Variants in PIEZO2 observed in about 807,000 individuals in gnomAD.
PIEZO2 encodes the protein piezo-type mechanosensitive ion channel component 2.
PIEZO2 carries 172 observed loss-of-function variants against 337.3 expected under a neutral mutation model. The observed-to-expected ratio is 0.51, with a 90% CI of 0.45 to 0.58. The LOEUF is 0.58. PIEZO2 is among the 20% of genes least tolerant of loss of function. The pLI is 0.00. For synonymous variants in PIEZO2, 1,251 were observed against 1,228.5 expected (o/e 1.02, Z -0.38); for missense variants, 3,028 against 3,391.3 (o/e 0.89, Z 2.66).
intron 2 of PIEZO2, among the ~76,000 whole-genome samples, chr18:11,011,717 A>G (rs2035910418): frequency 6.6e-6 from 1 of 152,180 alleles, no homozygotes; most frequent in Non-Finnish European, 1.5e-5. Context: ...AACCCATTCC[A>G]TTGCCTTAGA....
chr18:10,896,875 G>T (rs1016631016), intron 4 of PIEZO2, among the ~76,000 whole-genome samples: 9 of 152,164 alleles, frequency 5.9e-5, no homozygotes, highest in African/African-American at 2.2e-4. Flanking sequence ...AGAGTTGGGG[G>T]TGAGGTGTGG....
intron 2 of PIEZO2, among the ~76,000 whole-genome samples, chr18:11,046,045 T>C (rs1229981274): frequency 6.6e-6 from 1 of 152,156 alleles, no homozygotes; most frequent in Non-Finnish European, 1.5e-5. Flanking sequence ...AAACTCTGGA[T>C]CACAAGTATT....
At chr18:10,791,180 C>G in intron 14 of PIEZO2, 21 bp downstream of exon 14, 1 of 1,518,316 alleles carries the variant, frequency 6.6e-7, no homozygotes, top group African/African-American at 1.4e-5. Context: ...ACTCTCCAGC[C>G]ACACATATAC....
At position 10,820,687 on chromosome 18, in the gene PIEZO2, G is replaced by A. The variant is rs573236920; in HGVS notation, c.918-13413C>T. ...TTCACATGTCTAAAAATTTTCATCC[G>A]GATGCTGAACATTGTTATTTCTACA... is the stretch of plus-strand genomic sequence containing the variant. On this transcript the variant is annotated intron_variant, in intron 7 of 55. Coordinates refer to ENST00000674853, the MANE Select transcript of PIEZO2 (RefSeq NM_001378183.1). 1.2e-4 allele frequency among the ~76,000 whole-genome samples: 19 copies of A among 152,134 alleles called. No individual in the cohort carries two copies. The South Asian group carries it at 2.3e-3, about 18-fold the overall frequency.
chr18:10,724,933 T>G lies in PIEZO2; in HGVS notation c.5029+6474A>C, dbSNP rs1345727128. Reference sequence around the variant, plus strand: ...GGGACAGCCTCCACCTGGACGGCGATGGAACCCAGGTGGGCGCACCCTGCG... The same window carrying G: ...GGGACAGCCTCCACCTGGACGGCGAGGGAACCCAGGTGGGCGCACCCTGCG... On this transcript the variant is annotated intron_variant, in intron 36 of 55. Coordinates refer to ENST00000674853, the MANE Select transcript of PIEZO2 (RefSeq NM_001378183.1). This position sits in a 1 kb window ranked among gnomAD's most constrained non-coding sequence, Gnocchi z 5.8. 1 of 1,603,942 alleles carries G rather than the reference T, an allele frequency of 6.2e-7. No homozygotes were observed. Among genetic ancestry groups the G allele is most frequent in the Non-Finnish European group, 8.5e-7 (1 of 1,174,090 alleles).
intron 24 of PIEZO2, 69 bp downstream of exon 24, chr18:10,760,842 A>G: frequency 2.2e-6 from 3 of 1,336,928 alleles, no homozygotes; most frequent in African/African-American, 1.5e-5. Context: ...CCAGTGGCCA[A>G]TTGGCCAGAA....
At chr18:10,753,340 T>C (rs1008472141) in intron 27 of PIEZO2, among the ~76,000 whole-genome samples, 16 of 152,242 alleles carry the variant, frequency 1.1e-4, no homozygotes. Context: ...TGGGAGGTGA[T>C]TCTGACCAAC....
chr18:10,841,269 C>T (rs1167787145), intron 7 of PIEZO2, among the ~76,000 whole-genome samples: 11 of 151,858 alleles, frequency 7.2e-5, no homozygotes, highest in Admixed American at 7.2e-4. Flanking sequence ...CAAGATAATC[C>T]CTAAAATTGC....
At chr18:11,136,130 C>A (rs143136792) in intron 1 of PIEZO2, among the ~76,000 whole-genome samples, 143 of 152,314 alleles carry the variant, frequency 9.4e-4, no homozygotes, top group African/African-American at 3.3e-3. Context: ...TGCACTTTGA[C>A]AGTGACTTTA....
Position 11,083,299 on chromosome 18 carries a change from T to C in PIEZO2, c.65-17077A>G, listed in dbSNP as rs2038812717. Among the ~76,000 whole-genome samples the C allele has an allele frequency of 1.3e-5, 2 of 152,372 alleles. No individual in the cohort carries two copies. The highest frequency in any genetic ancestry group is 4.1e-4 in the South Asian group (2 of 4,830). On this transcript the variant is annotated intron_variant, in intron 1 of 55. Transcript: ENST00000674853. The surrounding 1 kb of genome is among the most constrained non-coding windows in gnomAD (Gnocchi z 4.4). ...TAAAAAGCTACTTTGTGGTTCTTTA[T>C]GAAAAGAGGGAAATATTTGTATTCA...
In PIEZO2 at chr18:10,713,765, T is replaced by G. The variant is rs1338179174; in HGVS notation, c.5423+999A>C. 6.6e-6 allele frequency among the ~76,000 whole-genome samples: 1 copy of G among 152,234 alleles called. No individual in the cohort carries two copies. Among genetic ancestry groups the G allele is most frequent in the Non-Finnish European group, 1.5e-5 (1 of 68,040 alleles). Reference sequence around the variant, plus strand: ...TGAAAAACATAAAACATGAATGTTCTCAGTGATACAATTCTTTACCCATGA... The same window carrying G: ...TGAAAAACATAAAACATGAATGTTCGCAGTGATACAATTCTTTACCCATGA... On this transcript the variant is annotated intron_variant, in intron 39 of 55. Coordinates refer to ENST00000674853, the MANE Select transcript of PIEZO2 (RefSeq NM_001378183.1). The surrounding 1 kb of genome is among the most constrained non-coding windows in gnomAD (Gnocchi z 4.5).
rs1899481941 is a variant in PIEZO2, at chr18:10,696,652, G to C, written c.6828-113C>G. ...CCTCTGCATTCCTCTTTCCAGTCAG[G>C]TCCCACCTTCCTCTCTCTGCCTCAG... On this transcript the variant is annotated intron_variant, in intron 45 of 55. Transcript: ENST00000674853. 1.9e-5 allele frequency: 24 copies of C among 1,233,332 alleles called. No homozygotes were observed. In the East Asian group the frequency reaches 5.7e-4, roughly 29 times the overall value. 76.4% of individuals were successfully genotyped at this position (1,233,332 alleles called of 1,614,324 possible). A position where few individuals can be genotyped will look rare whatever the true frequency, so the allele number is the denominator to read the frequency against.
At chr18:10,749,188 G>A (rs1472997374) in intron 29 of PIEZO2, among the ~76,000 whole-genome samples, 1 of 152,128 alleles carries the variant, frequency 6.6e-6, no homozygotes, top group East Asian at 1.9e-4. Context: ...GACTGGGTGT[G>A]GTGGTTCATG....
intron 1 of PIEZO2, among the ~76,000 whole-genome samples, chr18:11,091,655 G>C (rs2039095072): frequency 6.6e-6 from 1 of 152,198 alleles, no homozygotes; most frequent in Admixed American, 6.5e-5. Flanking sequence ...ATGATAGGGT[G>C]GGGGTTCAAT....
At chr18:11,090,945 C>A (rs2039066558) in intron 1 of PIEZO2, among the ~76,000 whole-genome samples, 1 of 149,640 alleles carries the variant, frequency 6.7e-6, no homozygotes, top group African/African-American at 2.5e-5. Context: ...AGATGTGGGG[C>A]ACATTGCTCT....
intron 49 of PIEZO2, among the ~76,000 whole-genome samples, chr18:10,684,199 T>C (rs1342949909): frequency 8.1e-6 from 1 of 123,444 alleles, no homozygotes; most frequent in South Asian, 3.1e-4. Context: ...GGAGTCTTGC[T>C]CTGTCGCCCA....
rs950834164 is a variant in PIEZO2, at chr18:10,969,399, G to A, written c.286+10136C>T. On this transcript the variant is annotated intron_variant, in intron 3 of 55. Coordinates refer to ENST00000674853, the MANE Select transcript of PIEZO2 (RefSeq NM_001378183.1). The surrounding 1 kb of genome is among the most constrained non-coding windows in gnomAD (Gnocchi z 4.5). ...TCGGCATGGTGGGGAGCAGACGGGCGTGAGGATCATGACTCCCTGTTACTC... is the reference window on the plus strand; with the variant it reads ...TCGGCATGGTGGGGAGCAGACGGGCATGAGGATCATGACTCCCTGTTACTC... 1.1e-4 allele frequency among the ~76,000 whole-genome samples: 16 copies of A among 152,088 alleles called. No individual in the cohort carries two copies. Among genetic ancestry groups the A allele is most frequent in the African/African-American group, 3.4e-4 (14 of 41,430 alleles).
intron 36 of PIEZO2, chr18:10,725,119 T>G: frequency 6.8e-7 from 1 of 1,467,494 alleles, no homozygotes. Flanking sequence ...ACAGTTCGAG[T>G]ACCAGGAGCC....
At chr18:10,802,455 TTG>T (rs1412547864) in intron 9 of PIEZO2, among the ~76,000 whole-genome samples, 6 of 152,168 alleles carry the variant, frequency 3.9e-5, no homozygotes, top group Non-Finnish European at 7.3e-5. Flanking sequence ...AAAAAACCCA[TTG>T]TGTGTTAGTA....
Sources: gnomAD v4.1 joint callset for allele counts (sites outside exome capture counted in the v4.1 genomes callset) on GRCh38, gnomAD v4.1.1 for gene constraint, Gnocchi (gnomAD v3.1) non-coding constraint, MANE v1.5 for transcripts, NCBI Gene and HGNC (gene_info 2026-07-23, HGNC 2026-07-21) for gene names.